The following SLC2A3 variants were observed in gnomAD, a reference collection of about 807,000 sequenced individuals.
SLC2A3 encodes the protein solute carrier family 2 member 3.
A neutral mutation model predicts 46.4 loss-of-function variants in SLC2A3; 21 were observed. The observed-to-expected ratio is 0.45, with a 90% CI of 0.32 to 0.65. The LOEUF (loss-of-function observed/expected upper bound fraction) is 0.65, where lower values mean the gene tolerates loss of function less well. Ranked by LOEUF, SLC2A3 falls within the 30% of genes least tolerant of loss-of-function variation. The pLI is 0.04. For synonymous variants in SLC2A3, 213 were observed against 239.4 expected, an observed-to-expected ratio of 0.89 and a Z score of 1.02; for missense variants, 499 against 623.3, an observed-to-expected ratio of 0.80 and a Z score of 2.12.
intron 2 of SLC2A3, chr12:7,933,426 A>G (rs1263157790): frequency 3.8e-6 from 2 of 521,036 alleles, no homozygotes; most frequent in Non-Finnish European, 6.8e-6. Context: ...AAGGGATAAT[A>G]CAGGATGTGC....
At chr12:7,935,846 A>T (rs1565606008) in intron 1 of SLC2A3, among the ~76,000 whole-genome samples, 174 bp downstream of exon 1, 2 of 152,172 alleles carry the variant, frequency 1.3e-5, no homozygotes, top group Non-Finnish European at 2.9e-5. Flanking sequence ...GAACTGTATG[A>T]CATTCAAAGA....
chr12:7,921,931 G>A (rs150215472), intron 9 of SLC2A3, among the ~76,000 whole-genome samples: 4 of 152,112 alleles, frequency 2.6e-5, no homozygotes, highest in East Asian at 1.9e-4. Flanking sequence ...GGTGGCTCAC[G>A]CCCATAATCC....
intron 1 of SLC2A3, among the ~76,000 whole-genome samples, chr12:7,935,233 C>G (rs947458564): frequency 6.6e-6 from 1 of 152,122 alleles, no homozygotes; most frequent in Non-Finnish European, 1.5e-5. Context: ...GCCGGCGGAT[C>G]GCCTGAGGTC....
At position 7,922,969 on chromosome 12, in the gene SLC2A3, G is replaced by C. The variant is rs1181959533; in HGVS notation, c.1124C>G (p.Ala375Gly). 3.1e-6 allele frequency: 5 copies of C among 1,614,054 alleles called. No homozygotes were observed. In the East Asian group the frequency reaches 6.7e-5, roughly 22 times the overall value. Residue 375 changes from alanine to glycine, a missense_variant, in exon 9 of 10, where the codon GCC becomes GGC. By Grantham distance (60) the Ala-to-Gly change is moderately conservative. Transcript: ENST00000075120. Reference sequence around the variant, plus strand: ...GGGGCCTGGTCCAATTTCAAAGAAGGCTACAAAGACCAAGATAGCCCCAAT... The same window carrying C: ...GGGGCCTGGTCCAATTTCAAAGAAGCCTACAAAGACCAAGATAGCCCCAAT... The part of the protein sequence containing the change: ...VCIGAILVFV[A>G]FFEIGPGPIP...
intron 1 of SLC2A3, among the ~76,000 whole-genome samples, chr12:7,934,692 C>A (rs183428301): frequency 1.6e-4 from 24 of 152,002 alleles, no homozygotes; most frequent in Admixed American, 8.5e-4. Flanking sequence ...CATTCCCCCC[C>A]ACCCCACCAC....
chr12:7,930,387 G>C lies in SLC2A3; in HGVS notation c.673+93C>G, dbSNP rs78285945. On this transcript the variant is annotated intron_variant, in intron 5 of 9. Coordinates refer to ENST00000075120, the MANE Select transcript of SLC2A3 (RefSeq NM_006931.3). ...CCTCACTTGGATTCTGAGAGGCAGG[G>C]AAAGAGTGTAACAGAAAGTAGGTCC... 1,308 of 1,283,852 alleles carry C rather than the reference G, an allele frequency of 1.0e-3. 7 individuals carry two copies. In the African/African-American group the frequency reaches 0.018, roughly 18 times the overall value. 79.5% of individuals were successfully genotyped at this position (1,283,852 alleles called of 1,614,324 possible).
intron 8 of SLC2A3, among the ~76,000 whole-genome samples, chr12:7,923,442 A>G (rs1047325046): frequency 3.9e-5 from 6 of 152,044 alleles, no homozygotes; most frequent in Admixed American, 3.9e-4. Flanking sequence ...GGTGAAACAC[A>G]GTCTCTACTA....
rs965707494 is a variant in SLC2A3, at chr12:7,920,277, C to T, written c.*1136G>A. On this transcript the variant is annotated 3_prime_UTR_variant, in exon 10 of 10. Coordinates refer to ENST00000075120, the MANE Select transcript of SLC2A3 (RefSeq NM_006931.3). ...AAGTGGAAAAATAATGAATCTCTACCAAGAACCAATTATTTTAGGTTTCTT... is the reference window on the plus strand; with the variant it reads ...AAGTGGAAAAATAATGAATCTCTACTAAGAACCAATTATTTTAGGTTTCTT... 5.3e-5 allele frequency: 8 copies of T among 151,956 alleles called. No individual in the cohort carries two copies. Among genetic ancestry groups the T allele is most frequent in the African/African-American group, 1.9e-4 (8 of 41,294 alleles). 9.4% of individuals were successfully genotyped at this position (151,956 alleles called of 1,614,324 possible). A position where few individuals can be genotyped will look rare whatever the true frequency, so the allele number is the denominator to read the frequency against.
At chr12:7,930,698 C>G in intron 4 of SLC2A3, 56 bp from the exon 5 acceptor site, 1 of 1,487,124 alleles carries the variant, frequency 6.7e-7, no homozygotes, top group Non-Finnish European at 9.0e-7. Context: ...GCCACAAGTT[C>G]ATTAAAACAC....
intron 5 of SLC2A3, 48 bp downstream of exon 5, chr12:7,930,432 C>T (rs748504460): frequency 6.4e-7 from 1 of 1,573,010 alleles, no homozygotes; most frequent in Admixed American, 1.7e-5. Flanking sequence ...ATCCCTAAAA[C>T]AAACCACAAC....
chr12:7,924,022 C>T (rs2121182976), intron 8 of SLC2A3, among the ~76,000 whole-genome samples: 1 of 152,132 alleles, frequency 6.6e-6, no homozygotes, highest in East Asian at 1.9e-4. Flanking sequence ...CCTGCCTCAC[C>T]CTCCCAGTGT....
chr12:7,933,013 G>C lies in SLC2A3; in HGVS notation c.243C>G (p.Val81=). The C allele has an allele frequency of 6.2e-7, 1 of 1,614,064 alleles. No individual in the cohort carries two copies. ...SVGGMIGSFS[V]GLFVNRFGRR... is the part of the protein sequence containing the mutation. ...TGCCAAAGCGGTTGACGAAGAGTCC[G>C]ACGGAAAAGGAGCCGATCATACCCC... Residue 81 remains valine, a synonymous_variant, in exon 3 of 10, where the codon GTC becomes GTG. Coordinates refer to ENST00000075120, the MANE Select transcript of SLC2A3 (RefSeq NM_006931.3).
At chr12:7,926,022 T>TA in intron 6 of SLC2A3, 74 bp from the exon 7 acceptor site, 1 of 1,293,766 alleles carries the variant, frequency 7.7e-7, no homozygotes, top group South Asian at 1.2e-5. Context: ...AAAATAAACT[T>TA]AAAAGTCCCA....
chr12:7,933,508 C>T (rs945000145), intron 2 of SLC2A3: 1 of 465,302 alleles, frequency 2.1e-6, no homozygotes, highest in Non-Finnish European at 3.9e-6. Flanking sequence ...GAGCTTTGTG[C>T]TTCGATTAGA....
At chr12:7,924,356 A>G (rs1220407248) in intron 8 of SLC2A3, 54 bp downstream of exon 8, 2 of 1,600,576 alleles carry the variant, frequency 1.2e-6, no homozygotes, top group Admixed American at 1.8e-5. Flanking sequence ...ACAGAAGTCA[A>G]CTGTAACCTC....
Position 7,922,702 on chromosome 12 carries a change from C to T in SLC2A3, c.1272+119G>A, listed in dbSNP as rs1291824811. 9.8e-5 allele frequency: 139 copies of T among 1,418,656 alleles called. 1 individual carries two copies. In the East Asian group the frequency reaches 3.3e-3, roughly 33 times the overall value. The allele number at this position is 1,418,656 out of a possible 1,614,324, so 87.9% of individuals were successfully genotyped here. On this transcript the variant is annotated intron_variant, in intron 9 of 9. Transcript: ENST00000075120. ...CAGGTGATCCACCCGCCTCAGCCTCCCACAGTGCTAGGATTACAGGCATGA... is the reference window on the plus strand; with the variant it reads ...CAGGTGATCCACCCGCCTCAGCCTCTCACAGTGCTAGGATTACAGGCATGA...
At chr12:7,928,089 G>C (rs971162872) in intron 6 of SLC2A3, among the ~76,000 whole-genome samples, 1 of 151,774 alleles carries the variant, frequency 6.6e-6, no homozygotes, top group African/African-American at 2.4e-5. Flanking sequence ...CTGGGTGACA[G>C]AACAAGACTT....
rs1398485298 is a variant in SLC2A3, at chr12:7,920,338, T to G, written c.*1075A>C. On this transcript the variant is annotated 3_prime_UTR_variant, in exon 10 of 10. Coordinates refer to ENST00000075120, the MANE Select transcript of SLC2A3 (RefSeq NM_006931.3). ...CTCTCCCACGAGATAGGTGGCGGGA[T>G]TACTTCAAAAGTAATGAGACTACTA... The G allele has an allele frequency of 1.3e-5, 2 of 152,044 alleles. No homozygotes were observed. Among genetic ancestry groups the G allele is most frequent in the East Asian group, 3.8e-4 (2 of 5,200 alleles). 9.4% of individuals were successfully genotyped at this position (152,044 alleles called of 1,614,324 possible).
intron 9 of SLC2A3, among the ~76,000 whole-genome samples, chr12:7,922,355 GTGTC>G (rs1946046017): frequency 6.6e-6 from 1 of 151,970 alleles, no homozygotes; most frequent in African/African-American, 2.4e-5. Context: ...TTGAGCCACT[GTGTC>G]TGGCCGCAAA....
Sources: gnomAD v4.1 joint callset for allele counts (sites outside exome capture counted in the v4.1 genomes callset) on GRCh38, gnomAD v4.1.1 for gene constraint, MANE v1.5 for transcripts, NCBI Gene and HGNC (gene_info 2026-07-23, HGNC 2026-07-21) for gene names.